The following CPOX variants were observed in gnomAD, a reference collection of about 807,000 sequenced individuals.
CPOX encodes the protein coproporphyrinogen oxidase.
CPOX carries 24 observed loss-of-function variants against 48.9 expected under a neutral mutation model. The ratio of observed to expected loss-of-function variants is 0.49; its 90% confidence interval spans 0.36 to 0.69. The LOEUF (loss-of-function observed/expected upper bound fraction) is 0.69, where lower values mean the gene tolerates loss of function less well. CPOX is among the 30% of genes least tolerant of loss of function. The pLI is 0.00. For missense variants in CPOX, 549 were observed against 597.3 expected (o/e 0.92, Z 0.84); for synonymous variants, 249 against 234.6 (o/e 1.06, Z -0.56).
At chr3:98,583,245 T>G (rs1325828426) in intron 5 of CPOX, among the ~76,000 whole-genome samples, 3 of 152,188 alleles carry the variant, frequency 2.0e-5, no homozygotes, top group African/African-American at 7.2e-5. Context: ...TTTTTCTTTT[T>G]TAATAAAAAA....
chr3:98,573,983 G>A, the CPOX span, among the ~76,000 whole-genome samples: 2 of 151,956 alleles, frequency 1.3e-5, no homozygotes, highest in Non-Finnish European at 2.9e-5. Flanking sequence ...CCCCCAGTTC[G>A]GTCTGTGATG....
chr3:98,592,585 G>C (rs1161683705), intron 1 of CPOX, among the ~76,000 whole-genome samples: 1 of 152,186 alleles, frequency 6.6e-6, no homozygotes, highest in Non-Finnish European at 1.5e-5. Flanking sequence ...TTCACCCAGA[G>C]AAGGAGAGAA....
At chr3:98,588,670 G>T in intron 4 of CPOX, 43 bp downstream of exon 4, 1 of 1,608,948 alleles carries the variant, frequency 6.2e-7, no homozygotes, top group Admixed American at 1.7e-5. Context: ...AGAAGGAACA[G>T]AATGTAATTT....
chr3:98,585,184 G>T (rs1249791862), intron 5 of CPOX, among the ~76,000 whole-genome samples: 2 of 152,144 alleles, frequency 1.3e-5, no homozygotes, highest in Non-Finnish European at 2.9e-5. Flanking sequence ...AAGACTAAGA[G>T]AAATCAGCAG....
At chr3:98,586,666 C>T (rs998063171) in intron 4 of CPOX, among the ~76,000 whole-genome samples, 3 of 152,064 alleles carry the variant, frequency 2.0e-5, no homozygotes, top group African/African-American at 7.2e-5. Flanking sequence ...TTTCCTGGGC[C>T]GGACGCGGTG....
At chr3:98,591,329 A>C (rs1707475314) in intron 1 of CPOX, among the ~76,000 whole-genome samples, 174 bp from the exon 2 acceptor site, 1 of 152,232 alleles carries the variant, frequency 6.6e-6, no homozygotes, top group Non-Finnish European at 1.5e-5. Flanking sequence ...ATATGCTATT[A>C]ATATTGGGCA....
At chr3:98,574,806 T>C (rs1208749251), downstream of CPOX, among the ~76,000 whole-genome samples, 1 of 152,198 alleles carries the variant, frequency 6.6e-6, no homozygotes, top group Non-Finnish European at 1.5e-5. Flanking sequence ...CTTGAACTGC[T>C]GACCTCAGGT....
At chr3:98,582,463 T>C (rs1477234263) in intron 5 of CPOX, among the ~76,000 whole-genome samples, 1 of 152,068 alleles carries the variant, frequency 6.6e-6, no homozygotes, top group Non-Finnish European at 1.5e-5. Context: ...TAGCAAAATA[T>C]CCTCTAGATT....
chr3:98,592,823 G>T, intron 1 of CPOX, 126 bp downstream of exon 1: 1 of 1,008,678 alleles, frequency 9.9e-7, no homozygotes, highest in Non-Finnish European at 1.5e-6. Flanking sequence ...CTAACCAAGC[G>T]GCCTCTCTGT....
Position 98,590,852 on chromosome 3 carries a change from T to C in CPOX, c.701-110A>G, listed in dbSNP as rs546974227. The C allele has an allele frequency of 7.8e-4, 968 of 1,244,310 alleles. 14 individuals carry two copies. In the South Asian group the frequency reaches 0.01, roughly 13 times the overall value. 77.1% of individuals were successfully genotyped at this position (1,244,310 alleles called of 1,614,324 possible). A position where few individuals can be genotyped will look rare whatever the true frequency, so the allele number is the denominator to read the frequency against. ...CAATTTTCAAAAGCTGCTTTTTAAT[T>C]TGTCACTTAAAAACATAATTTTAAA... On this transcript the variant is annotated intron_variant, in intron 2 of 6. Transcript: ENST00000647941.
Position 98,581,391 on chromosome 3 carries a change from T to A in CPOX, c.1277+16A>T. 1 of 1,558,294 alleles carries A rather than the reference T, an allele frequency of 6.4e-7. No individual in the cohort carries two copies. Among genetic ancestry groups the A allele is most frequent in the Non-Finnish European group, 8.9e-7 (1 of 1,129,240 alleles). On this transcript the variant is annotated intron_variant, in intron 6 of 6. Transcript: ENST00000647941. Reference sequence around the variant, plus strand: ...GGGAGTGTAGGGATAACTACTAAAATGAGTTATCTCCTTACCGGGCAGTTA... The same window carrying A: ...GGGAGTGTAGGGATAACTACTAAAAAGAGTTATCTCCTTACCGGGCAGTTA...
At position 98,579,942 on chromosome 3, in the gene CPOX, G is replaced by T. The variant is rs1233403879; in HGVS notation, c.*741C>A. On this transcript the variant is annotated 3_prime_UTR_variant, in exon 7 of 7. Coordinates refer to ENST00000647941, the MANE Select transcript of CPOX (RefSeq NM_000097.7). The stretch of plus-strand genomic sequence containing the variant: ...GAAAACTCTTAAGTATCAGAATTCA[G>T]GGATATAAGCTTTCACATTCAAAAG... The T allele has an allele frequency of 3.0e-6, 3 of 985,582 alleles. No homozygotes were observed. The African/African-American group carries it at 5.2e-5, about 17-fold the overall frequency. 61.1% of individuals were successfully genotyped at this position (985,582 alleles called of 1,614,324 possible). A position where few individuals can be genotyped will look rare whatever the true frequency, so the allele number is the denominator to read the frequency against.
chr3:98,586,920 G>C, intron 4 of CPOX, among the ~76,000 whole-genome samples: 1 of 151,898 alleles, frequency 6.6e-6, no homozygotes, highest in Admixed American at 6.6e-5. Flanking sequence ...CTCCAGCCTG[G>C]GCGACAGAGT....
In CPOX at chr3:98,588,841, C is replaced by G; in HGVS notation, c.825G>C (p.Trp275Cys). ...EVEEADGNKQ[W>C]WFGGGCDLTP... ...TGAGGTCACATCCACCACCAAACCA[C>G]CACTGCTTGTTGCCTACCAAATCAA... The change falls in exon 4 of 7, where the codon TGG (tryptophan) becomes TGC (cysteine). Residue 275 changes from tryptophan to cysteine, a missense_variant. Physicochemically the swap from Trp to Cys is radical, Grantham distance 215 (BLOSUM62 -2). This residue lies in a region of CPOX where 213 missense variants were observed against 279.1 expected (regional missense o/e 0.76). Transcript: ENST00000647941. 6.2e-7 allele frequency: 1 copy of G among 1,614,142 alleles called. No individual in the cohort carries two copies. Among genetic ancestry groups the G allele is most frequent in the Non-Finnish European group, 8.5e-7 (1 of 1,180,028 alleles).
At chr3:98,582,886 A>T (rs1270739837) in intron 5 of CPOX, among the ~76,000 whole-genome samples, 1 of 152,110 alleles carries the variant, frequency 6.6e-6, no homozygotes, top group African/African-American at 2.4e-5. Flanking sequence ...TCCCTTTCTA[A>T]CTCTCACCAT....
chr3:98,573,043 C>T, the CPOX span, among the ~76,000 whole-genome samples: 2 of 152,190 alleles, frequency 1.3e-5, no homozygotes, highest in Admixed American at 6.5e-5. Flanking sequence ...ATCACACACA[C>T]CCCCTGGGGT....
In CPOX at chr3:98,588,763, C is replaced by T; in HGVS notation, c.903G>A (p.Lys301=). The T allele has an allele frequency of 1.2e-6, 2 of 1,614,168 alleles. No individual in the cohort carries two copies. The highest frequency in any genetic ancestry group is 1.7e-6 in the Non-Finnish European group (2 of 1,180,020). ...EDAVHFHRTL[K]EACDQHGPDL... The stretch of plus-strand genomic sequence containing the variant: ...CTGGACCATGCTGGTCACAAGCCTC[C>T]TTCAGAGTTCTGTGAAAATGGACAG... Residue 301 remains lysine, a synonymous_variant, in exon 4 of 7, where the codon AAG becomes AAA. Coordinates refer to ENST00000647941, the MANE Select transcript of CPOX (RefSeq NM_000097.7).
intron 6 of CPOX, among the ~76,000 whole-genome samples, 197 bp downstream of exon 6, chr3:98,581,210 G>C (rs1707252834): frequency 6.6e-6 from 1 of 152,054 alleles, no homozygotes; most frequent in Non-Finnish European, 1.5e-5. Flanking sequence ...CCCTCATAGA[G>C]CTGTGGGATT....
intron 3 of CPOX, 99 bp from the exon 4 acceptor site, chr3:98,588,953 T>C: frequency 7.2e-7 from 1 of 1,383,162 alleles, no homozygotes; most frequent in Non-Finnish European, 1.0e-6. Context: ...TTTTTCAGCA[T>C]AAAATGGATG....
Sources: gnomAD v4.1 joint callset for allele counts (sites outside exome capture counted in the v4.1 genomes callset) on GRCh38, gnomAD v4.1.1 for gene constraint, gnomAD v4.1.1 regional missense constraint, MANE v1.5 for transcripts, NCBI Gene and HGNC (gene_info 2026-07-23, HGNC 2026-07-21) for gene names.